Variants in GRM5 observed in about 807,000 individuals in gnomAD.
The protein encoded by GRM5 is glutamate metabotropic receptor 5, also known as metabotropic glutamate receptor 5.
GRM5 carries 19 observed loss-of-function variants against 83.1 expected under a neutral mutation model. That is an observed-to-expected ratio of 0.23 (90% confidence interval 0.16 to 0.34). The LOEUF is 0.34. Ranked by LOEUF, GRM5 falls within the 10% of genes least tolerant of loss-of-function variation. The pLI, the probability that GRM5 is intolerant of heterozygous loss-of-function variation, is 1.00. For synonymous variants in GRM5, 675 were observed against 633.6 expected, an observed-to-expected ratio of 1.07 and a Z score of -0.98; for missense variants, 1,160 against 1,588.3, an observed-to-expected ratio of 0.73 and a Z score of 4.58.
intron 2 of GRM5, among the ~76,000 whole-genome samples, chr11:88,894,823 A>G (rs1945205526): frequency 6.6e-6 from 1 of 151,948 alleles, no homozygotes; most frequent in African/African-American, 2.4e-5. Flanking sequence ...GAAAGAACAC[A>G]TTTTTTGTCT....
rs373914849 is a variant in GRM5 at position 88,632,681 on chromosome 11, A to G, written c.1147+20487T>C. 9.2e-5 allele frequency among the ~76,000 whole-genome samples: 14 copies of G among 152,322 alleles called. No homozygotes were observed. The East Asian group carries it at 1.4e-3, about 15-fold the overall frequency. The stretch of plus-strand genomic sequence containing the variant: ...TATTACAAATAACATCATTTTGAAC[A>G]TTATTCCTTAAATACTTAGGAGTAG... On this transcript the variant is annotated intron_variant, in intron 4 of 9. Transcript: ENST00000305447.
chr11:88,759,391 C>A (rs1251227824), intron 3 of GRM5, among the ~76,000 whole-genome samples: 1 of 151,998 alleles, frequency 6.6e-6, no homozygotes, highest in East Asian at 1.9e-4. Context: ...ATCTACCAAG[C>A]AAACAGAAAA....
chr11:88,762,051 G>C (rs1170934858), intron 3 of GRM5, among the ~76,000 whole-genome samples: 1 of 151,908 alleles, frequency 6.6e-6, no homozygotes, highest in Non-Finnish European at 1.5e-5. Context: ...AACTCAAGAT[G>C]GATTAAATAC....
At position 88,509,278 on chromosome 11, in the gene GRM5, C is replaced by G; in HGVS notation, c.2953G>C (p.Ala985Pro). 6.8e-7 allele frequency: 1 copy of G among 1,465,698 alleles called. No individual in the cohort carries two copies. The highest frequency in any genetic ancestry group is 9.0e-7 in the Non-Finnish European group (1 of 1,113,932). 90.8% of individuals were successfully genotyped at this position (1,465,698 alleles called of 1,614,324 possible). The change falls in exon 10 of 10, where the codon GCC (alanine) becomes CCC (proline). Residue 985 changes from alanine (A) to proline (P), a missense_variant. Physicochemically the swap from Ala to Pro is conservative, Grantham distance 27 (BLOSUM62 -1). Transcript: ENST00000305447. ...GATGGAGCAGAGPGGPESPDA... is the reference protein window; with the variant it reads ...GATGGAGCAGPGPGGPESPDA... ...GGGGACTCGGGCCCGCCTGGGCCGG[C>G]GCCTGCGCAGCCCGCACCGCCCGTG... is the stretch of plus-strand genomic sequence containing the variant.
chr11:88,940,489 A>C (rs937092898), intron 2 of GRM5, among the ~76,000 whole-genome samples: 6 of 151,256 alleles, frequency 4.0e-5, no homozygotes, highest in African/African-American at 1.2e-4. Context: ...CTTTTGAACA[A>C]TAATGTCTTA....
chr11:89,026,781 A>C (rs1186957502), intron 2 of GRM5, among the ~76,000 whole-genome samples: 1 of 152,230 alleles, frequency 6.6e-6, no homozygotes, highest in African/African-American at 2.4e-5. Flanking sequence ...GAATACTTTT[A>C]AGAAAAGAGA....
At chr11:89,000,803 A>G (rs1940352180) in intron 2 of GRM5, among the ~76,000 whole-genome samples, 2 of 152,092 alleles carry the variant, frequency 1.3e-5, no homozygotes, top group Admixed American at 1.3e-4. Flanking sequence ...TTTGCAAACC[A>G]CGTATTGAAC....
intron 2 of GRM5, among the ~76,000 whole-genome samples, chr11:88,904,527 C>G (rs548430): frequency 0.96 from 146,425 of 152,208 alleles, 70,483 homozygotes; most frequent in East Asian, 0.99. Flanking sequence ...TTAATATATT[C>G]TATCCCTTAG....
intron 2 of GRM5, among the ~76,000 whole-genome samples, chr11:88,915,175 G>A (rs1945567415): frequency 6.6e-6 from 1 of 152,034 alleles, no homozygotes; most frequent in African/African-American, 2.4e-5. Context: ...GAGAGCAAGA[G>A]AAATTCAGTG....
chr11:88,779,251 T>C, intron 3 of GRM5, among the ~76,000 whole-genome samples: 1 of 152,204 alleles, frequency 6.6e-6, no homozygotes, highest in East Asian at 1.9e-4. Flanking sequence ...AGGAACCCTG[T>C]AAGGATTATT....
chr11:88,889,602 A>G (rs775546236), intron 2 of GRM5, among the ~76,000 whole-genome samples: 1 of 152,198 alleles, frequency 6.6e-6, no homozygotes, highest in Non-Finnish European at 1.5e-5. Context: ...GGATTTTGTT[A>G]AAGAGTGCTC....
chr11:88,914,424 C>A (rs914033490), intron 2 of GRM5, among the ~76,000 whole-genome samples: 1 of 152,130 alleles, frequency 6.6e-6, no homozygotes, highest in Non-Finnish European at 1.5e-5. Flanking sequence ...AAGATATAAA[C>A]CAGAGGCCTC....
chr11:88,949,476 A>G (rs1026131892), intron 2 of GRM5, among the ~76,000 whole-genome samples: 1 of 152,234 alleles, frequency 6.6e-6, no homozygotes, highest in Non-Finnish European at 1.5e-5. Context: ...TTAAGTGAAC[A>G]TATTTTACCA....
intron 1 of GRM5, among the ~76,000 whole-genome samples, chr11:89,058,871 T>A (rs1941929985): frequency 1.3e-5 from 2 of 152,186 alleles, no homozygotes; most frequent in Non-Finnish European, 2.9e-5. Context: ...ACTGCAACAA[T>A]AACGATAACT....
At chr11:88,555,824 A>G (rs1445057529) in intron 8 of GRM5, among the ~76,000 whole-genome samples, 1 of 152,158 alleles carries the variant, frequency 6.6e-6, no homozygotes, top group Non-Finnish European at 1.5e-5. Context: ...CACCAAATAC[A>G]GCTTCATATT....
chr11:88,802,889 T>A (rs956242373), intron 3 of GRM5, among the ~76,000 whole-genome samples: 1 of 151,356 alleles, frequency 6.6e-6, no homozygotes, highest in East Asian at 1.9e-4. Context: ...TATACACCAA[T>A]AACAGACAAA....
At position 88,572,705 on chromosome 11, in the gene GRM5, G is replaced by A. The variant is rs1943028472; in HGVS notation, c.1691-4713C>T. 2.0e-5 allele frequency among the ~76,000 whole-genome samples: 3 copies of A among 152,138 alleles called. No individual in the cohort carries two copies. The South Asian group carries it at 6.2e-4, about 32-fold the overall frequency. On this transcript the variant is annotated intron_variant, in intron 7 of 9. Coordinates refer to ENST00000305447, the MANE Select transcript of GRM5 (RefSeq NM_001143831.3). ...TGTACACAGTTGTACAAATATCTGT[G>A]TAGTTATTGTTCCTAACTTCCTTAT...
In GRM5 at chr11:88,505,092, A is replaced by G. The variant is rs1941148433; in HGVS notation, c.*3500T>C. The G allele has an allele frequency of 6.6e-6, 1 of 152,186 alleles. No homozygotes were observed. 9.4% of individuals were successfully genotyped at this position (152,186 alleles called of 1,614,324 possible). On this transcript the variant is annotated 3_prime_UTR_variant, in exon 10 of 10. Transcript: ENST00000305447. ...CTATTTTATACATGCCTCATTCTTC[A>G]ATAGACAGTAGAGACTCTCCCAGGC...
chr11:88,587,760 A>T (rs150930399), intron 7 of GRM5, among the ~76,000 whole-genome samples: 12 of 152,278 alleles, frequency 7.9e-5, no homozygotes, highest in African/African-American at 2.9e-4. Flanking sequence ...AATCTGAACA[A>T]ACACGAATAG....
Sources: allele counts gnomAD v4.1 joint callset (sites outside exome capture counted in the v4.1 genomes callset), GRCh38; gene constraint gnomAD v4.1.1; transcripts MANE v1.5; gene names NCBI Gene and HGNC (gene_info 2026-07-23, HGNC 2026-07-21).